The following ABCF3 variants were observed in gnomAD, a reference collection of about 807,000 sequenced individuals.
ABCF3 encodes the protein ATP-binding cassette sub-family F member 3.
A neutral mutation model predicts 94.3 loss-of-function variants in ABCF3; 62 were observed. The observed-to-expected ratio is 0.66, with a 90% CI of 0.54 to 0.81. The LOEUF is 0.81. Ranked by LOEUF, ABCF3 falls within the 40% of genes least tolerant of loss-of-function variation. The probability of loss-of-function intolerance (pLI) is 0.00; values close to 1 mark genes in which losing one functional copy is unlikely to be tolerated. For synonymous variants in ABCF3, 355 were observed against 361.1 expected (o/e 0.98, Z 0.19); for missense variants, 843 against 925.3 (o/e 0.91, Z 1.15).
Position 184,189,716 on chromosome 3 carries a change from C to T in ABCF3, c.1273C>T (p.Arg425Cys), listed in dbSNP as rs1334317279. ...GCAGGAGCGGCTGCTCAACCAGCAG[C>T]GTGAATATGAGGCGCAGCAGCAGTA... ...SKQERLLNQQ[R>C]EYEAQQQYRQ... is the part of the protein sequence containing the mutation. Residue 425 changes from arginine to cysteine, a missense_variant, in exon 13 of 21, where the codon CGT becomes TGT. Coordinates refer to ENST00000429586, the MANE Select transcript of ABCF3 (RefSeq NM_018358.3). The T allele has an allele frequency of 2.6e-5, 42 of 1,613,860 alleles. No individual in the cohort carries two copies. Among genetic ancestry groups the T allele is most frequent in the Non-Finnish European group, 3.3e-5 (39 of 1,180,004 alleles).
Position 184,193,291 on chromosome 3 carries a change from A to T in ABCF3, c.1883+57A>T. 1 of 1,609,078 alleles carries T rather than the reference A, an allele frequency of 6.2e-7. No homozygotes were observed. Among genetic ancestry groups the T allele is most frequent in the Non-Finnish European group, 8.5e-7 (1 of 1,177,382 alleles). On this transcript the variant is annotated intron_variant, in intron 19 of 20. Coordinates refer to ENST00000429586, the MANE Select transcript of ABCF3 (RefSeq NM_018358.3). The surrounding 1 kb of genome is among the most constrained non-coding windows in gnomAD (Gnocchi z 5.2). ...CCCATTTCCCCTTCTTGCCCAGTAG[A>T]AAACTGTATCAGAAGGCTTTATTTT...
At position 184,191,749 on chromosome 3, in the gene ABCF3, C is replaced by CTTTTTTTTTTTTTTTTTTT. The variant is rs375009324; in HGVS notation, c.1569+508_1569+509insTTTTTTTTTTTTTTTTTTT. 2.7e-3 allele frequency among the ~76,000 whole-genome samples: 305 copies of CTTTTTTTTTTTTTTTTTTT among 114,646 alleles called. 46 individuals are homozygous for CTTTTTTTTTTTTTTTTTTT. The highest frequency in any genetic ancestry group is 4.5e-3 in the African/African-American group (124 of 27,292). The allele number at this position is 114,646 out of a possible 152,430, so 75.2% of individuals were successfully genotyped here. On this transcript the variant is annotated intron_variant, in intron 16 of 20. Transcript: ENST00000429586. ...GCATTTTTCTGTAGAGTTAGAGTTCCTTTTTTTTTTTTTTCGGAGACAGAG... is the reference window on the plus strand; with the variant it reads ...GCATTTTTCTGTAGAGTTAGAGTTCCTTTTTTTTTTTTTTTTTTTTTTTTTTTTTTTTTCGGAGACAGAG...
At chr3:184,190,837 T>G (rs1715972275) in intron 14 of ABCF3, 162 bp from the exon 15 acceptor site, 1 of 839,524 alleles carries the variant, frequency 1.2e-6, no homozygotes, top group African/African-American at 1.7e-5. Flanking sequence ...AGCCTAATTC[T>G]ATTTTTTAGC....
In ABCF3 at chr3:184,193,233, T is replaced by C. The variant is rs1560137699; in HGVS notation, c.1882T>C (p.Cys628Arg). ...GGCCTTTGCTCAGATGACTATGCCC[T>C]GGTGAGGCCTCATTTTCCAGAGCTC... ...RVAFAQMTMP[C>R]PNFYILDEPT... is the part of the protein sequence containing the mutation. The change falls in exon 19 of 21, where the codon TGC becomes CGC. Residue 628 changes from cysteine to arginine, a missense_variant and splice_region_variant. Cys to Arg is a radical substitution (Grantham distance 180). Transcript: ENST00000429586. This position sits in a 1 kb window ranked among gnomAD's most constrained non-coding sequence, Gnocchi z 5.2. The C allele has an allele frequency of 2.5e-6, 4 of 1,571,012 alleles. No individual in the cohort carries two copies. The East Asian group carries it at 6.7e-5, about 26-fold the overall frequency.
At chr3:184,192,023 G>A (rs988890058) in intron 16 of ABCF3, among the ~76,000 whole-genome samples, 2 of 152,090 alleles carry the variant, frequency 1.3e-5, no homozygotes, top group South Asian at 2.1e-4. Flanking sequence ...TGGGAATACA[G>A]GCCTGAGCCA....
At position 184,188,271 on chromosome 3, in the gene ABCF3, A is replaced by G. The variant is rs1044314437; in HGVS notation, c.700A>G (p.Ile234Val). The G allele has an allele frequency of 5.0e-6, 8 of 1,614,012 alleles. No individual in the cohort carries two copies. The highest frequency in any genetic ancestry group is 2.2e-5 in the East Asian group (1 of 44,888). ...CCGGAGTCTGCGGGTTCCAGCCCAC[A>G]TTTCCCTGCTGCACGTTGAGCAAGA... ...ATRSLRVPAH[I>V]SLLHVEQEVA... Residue 234 changes from isoleucine (I) to valine (V), a missense_variant, in exon 7 of 21, where the codon ATT (isoleucine) becomes GTT (valine). Ile to Val is a conservative substitution (Grantham distance 29, BLOSUM62 3). Transcript: ENST00000429586.
Position 184,188,403 on chromosome 3 carries a change from G to A in ABCF3, c.832G>A (p.Gly278Ser), listed in dbSNP as rs770016347. 3 of 1,605,048 alleles carry A rather than the reference G, an allele frequency of 1.9e-6. No individual in the cohort carries two copies. Among genetic ancestry groups the A allele is most frequent in the Non-Finnish European group, 2.6e-6 (3 of 1,173,974 alleles). The change falls in exon 7 of 21, where the codon GGC becomes AGC. Residue 278 changes from glycine (G) to serine (S), a missense_variant. Coordinates refer to ENST00000429586, the MANE Select transcript of ABCF3 (RefSeq NM_018358.3). ...ERELTAQIAAGRAEGSEAAEL... is the reference protein window; with the variant it reads ...ERELTAQIAASRAEGSEAAEL... ...GGAGCTCACTGCCCAGATTGCTGCT[G>A]GCAGGTGAGGACTCCCGGCTAGGGA... is the stretch of plus-strand genomic sequence containing the variant.
At chr3:184,189,330 C>T in intron 11 of ABCF3, 53 bp downstream of exon 11, 1 of 1,614,174 alleles carries the variant, frequency 6.2e-7, no homozygotes, top group Non-Finnish European at 8.5e-7. Flanking sequence ...GTGGTAGCAT[C>T]CAAGTTCCTA....
chr3:184,191,749 C>CTTTTTTTTTTTTTTTTT (rs375009324), intron 16 of ABCF3, among the ~76,000 whole-genome samples: 1,146 of 114,522 alleles, frequency 0.01, 156 homozygotes, highest in Middle Eastern at 0.03. Flanking sequence ...GTTAGAGTTC[C>CTTTTTTTTTTTTTTTTT]TTTTTTTTTT....
rs1715751588 is a variant in ABCF3, at chr3:184,188,000, G to A, written c.569+17G>A. On this transcript the variant is annotated intron_variant, in intron 6 of 20. Coordinates refer to ENST00000429586, the MANE Select transcript of ABCF3 (RefSeq NM_018358.3). ...TGGCGATAGGTGAGGGAATAGTGGT[G>A]GCAGGGGTTGGCTTTCTTTTTCTAA... The A allele has an allele frequency of 6.2e-7, 1 of 1,613,800 alleles. No individual in the cohort carries two copies. The highest frequency in any genetic ancestry group is 1.1e-5 in the South Asian group (1 of 91,078).
Position 184,192,595 on chromosome 3 carries a change from C to T in ABCF3, c.1570-6C>T, listed in dbSNP as rs780207933. 7.5e-6 allele frequency: 12 copies of T among 1,606,276 alleles called. No individual in the cohort carries two copies. Among genetic ancestry groups the T allele is most frequent in the South Asian group, 2.2e-5 (2 of 89,672 alleles). ...CACACTGTATGACATTTTCATGTTT[C>T]TTAAGGTTGGAGAGAATGGGGCTGG... On this transcript the variant is annotated splice_polypyrimidine_tract_variant and splice_region_variant and intron_variant, in intron 16 of 20. Transcript: ENST00000429586.
chr3:184,188,799 A>C lies in ABCF3; in HGVS notation c.875A>C (p.Tyr292Ser), dbSNP rs61745345. The C allele has an allele frequency of 1.3e-4, 211 of 1,613,794 alleles. No individual in the cohort carries two copies. The highest frequency in any genetic ancestry group is 2.3e-5 in the Non-Finnish European group (27 of 1,179,880). Residue 292 changes from tyrosine (Y) to serine (S), a missense_variant, in exon 8 of 21, where the codon TAT becomes TCT. Transcript: ENST00000429586. ...GAAGCTGCAGAGCTGGCAGAAATCT[A>C]TGCCAAACTGGAGGAGATTGAGGCT... ...GSEAAELAEI[Y>S]AKLEEIEADK...
intron 16 of ABCF3, among the ~76,000 whole-genome samples, chr3:184,191,906 A>C (rs567479893): frequency 6.6e-6 from 1 of 152,006 alleles, no homozygotes; most frequent in South Asian, 2.1e-4. Context: ...CACCATGCCC[A>C]GCTAATTTTT....
At position 184,187,217 on chromosome 3, in the gene ABCF3, A is replaced by AGTTTTGTTTTGTTTT. The variant is rs61291330; in HGVS notation, c.302-164_302-150dup. 51 of 742,650 alleles carry AGTTTTGTTTTGTTTT rather than the reference A, an allele frequency of 6.9e-5. No individual in the cohort carries two copies. In the African/African-American group the frequency reaches 7.7e-4, roughly 11 times the overall value. The allele number at this position is 742,650 out of a possible 1,614,324, so 46.0% of individuals were successfully genotyped here. Reference sequence around the variant, plus strand: ...CTATGCCTCTGTATCCTTCTACGTGAGTTTTGTTTTGTTTTGTTTTGTTTT... The same window carrying AGTTTTGTTTTGTTTT: ...CTATGCCTCTGTATCCTTCTACGTGAGTTTTGTTTTGTTTTGTTTTGTTTTGTTTTGTTTTGTTTT... On this transcript the variant is annotated intron_variant, in intron 3 of 20. Coordinates refer to ENST00000429586, the MANE Select transcript of ABCF3 (RefSeq NM_018358.3).
rs1314300886 is a variant in ABCF3, at chr3:184,186,204, G to A, written c.-4G>A. 6.8e-6 allele frequency: 11 copies of A among 1,614,150 alleles called. No individual in the cohort carries two copies. Among genetic ancestry groups the A allele is most frequent in the Non-Finnish European group, 9.3e-6 (11 of 1,180,048 alleles). On this transcript the variant is annotated 5_prime_UTR_variant, in exon 1 of 21. Coordinates refer to ENST00000429586, the MANE Select transcript of ABCF3 (RefSeq NM_018358.3). ...GACTGCGCGGACGGGTTCCTGAGTG[G>A]AACATGGCGACTTGCGCCGAAATCC...
intron 14 of ABCF3, 89 bp downstream of exon 14, chr3:184,190,020 G>T: frequency 3.5e-6 from 5 of 1,412,494 alleles, no homozygotes; most frequent in Non-Finnish European, 5.0e-6. Flanking sequence ...ACCATTCTAG[G>T]TCTCCCCTTC....
chr3:184,189,967 G>A (rs1322560248), intron 14 of ABCF3, 36 bp downstream of exon 14: 1 of 1,608,808 alleles, frequency 6.2e-7, no homozygotes, highest in South Asian at 1.1e-5. Context: ...CCTGACTCCT[G>A]TTCTCTTCGT....
In ABCF3 at chr3:184,188,249, G is replaced by T. The variant is rs777824805; in HGVS notation, c.678G>T (p.Arg226=). The stretch of plus-strand genomic sequence containing the variant: ...CGTTACTGAAGATGCTGGCCACCCG[G>T]AGTCTGCGGGTTCCAGCCCACATTT... ...KTTLLKMLAT[R]SLRVPAHISL... Residue 226 remains arginine, a synonymous_variant, in exon 7 of 21, where the codon CGG becomes CGT. Transcript: ENST00000429586. 12 of 1,614,186 alleles carry T rather than the reference G, an allele frequency of 7.4e-6. No homozygotes were observed. The highest frequency in any genetic ancestry group is 3.3e-5 in the South Asian group (3 of 91,084).
chr3:184,192,502 T>C, intron 16 of ABCF3, 99 bp from the exon 17 acceptor site: 1 of 1,142,742 alleles, frequency 8.8e-7, no homozygotes, highest in Non-Finnish European at 1.2e-6. Context: ...TGCTCTCTAC[T>C]TCTATGTGCT....
Sources: allele counts gnomAD v4.1 joint callset (sites outside exome capture counted in the v4.1 genomes callset), GRCh38; gene constraint gnomAD v4.1.1; non-coding constraint Gnocchi (gnomAD v3.1); transcripts MANE v1.5; gene names NCBI Gene and HGNC (gene_info 2026-07-23, HGNC 2026-07-21).